S100A7: variants seen among roughly 807,000 people sequenced by gnomAD.
S100A7 encodes S100 calcium binding protein A7, also known as protein S100-A7.
In S100A7, 2 loss-of-function variants were observed where a neutral mutation model predicts 3.8. That is an observed-to-expected ratio of 0.53 (90% confidence interval 0.22 to 1.67). The LOEUF is 1.67. Ranked by LOEUF, S100A7 falls within the 40% of genes most tolerant of loss-of-function variation. The pLI, the probability that S100A7 is intolerant of heterozygous loss-of-function variation, is 0.20. For synonymous variants in S100A7, 55 were observed against 45.9 expected, an observed-to-expected ratio of 1.20 and a Z score of -0.80; for missense variants, 130 against 126.3, an observed-to-expected ratio of 1.03 and a Z score of -0.14.
At chr1:153,458,410 C>T (rs1005411660) in intron 2 of S100A7, among the ~76,000 whole-genome samples, 6 of 152,204 alleles carry the variant, frequency 3.9e-5, no homozygotes, top group African/African-American at 1.4e-4. Flanking sequence ...GTATCCTACT[C>T]TTGGTCATCT....
At chr1:153,460,503 C>T (rs1663802605) in intron 1 of S100A7, 105 bp downstream of exon 1, 12 of 654,662 alleles carry the variant, frequency 1.8e-5, no homozygotes, top group Middle Eastern at 3.0e-4. Context: ...GGCCTAGACC[C>T]AGGCTTCTGA....
intron 1 of S100A7, 118 bp from the exon 2 acceptor site, chr1:153,459,148 A>T (rs1663760693): frequency 3.9e-6 from 5 of 1,293,162 alleles, no homozygotes; most frequent in Non-Finnish European, 5.3e-6. Flanking sequence ...TAGCAGAACG[A>T]ACTCAATTTT....
rs1240651194 is a variant in S100A7 at position 153,458,933 on chromosome 1, A to C, written c.81T>G (p.Ile27Met). ...FHKYTRRDDK[I>M]EKPSLLTMMK... Reference sequence around the variant, plus strand: ...TCATCGTCAGCAGGCTTGGCTTCTCAATCTTGTCATCACGTCTGGTGTATT... The same window carrying C: ...TCATCGTCAGCAGGCTTGGCTTCTCCATCTTGTCATCACGTCTGGTGTATT... The change falls in exon 2 of 3, where the codon ATT (isoleucine) becomes ATG (methionine). Residue 27 changes from isoleucine to methionine, a missense_variant. Coordinates refer to ENST00000368723, the MANE Select transcript of S100A7 (RefSeq NM_002963.4). The C allele has an allele frequency of 2.5e-6, 4 of 1,614,016 alleles. No individual in the cohort carries two copies.
chr1:153,459,800 T>C (rs1442468337), intron 1 of S100A7: 2 of 152,176 alleles, frequency 1.3e-5, no homozygotes, highest in African/African-American at 2.4e-5. Context: ...CTTGACTGTT[T>C]AAATAAAAAT....
chr1:153,458,777 A>G, intron 2 of S100A7, 96 bp downstream of exon 2: 1 of 1,466,548 alleles, frequency 6.8e-7, no homozygotes, highest in Non-Finnish European at 9.2e-7. Context: ...CCTATTTGCA[A>G]ATGGGAAATT....
intron 1 of S100A7, among the ~76,000 whole-genome samples, chr1:153,460,389 G>A (rs906356802): frequency 6.6e-6 from 1 of 152,222 alleles, no homozygotes; most frequent in Non-Finnish European, 1.5e-5. Context: ...TGCCTCAGGA[G>A]ATCCCAAAGG....
chr1:153,458,268 G>A (rs1400469054), intron 2 of S100A7, among the ~76,000 whole-genome samples: 3 of 152,054 alleles, frequency 2.0e-5, no homozygotes, highest in Non-Finnish European at 2.9e-5. Context: ...ACTCTTTCCC[G>A]TCCCAGCCTC....
At position 153,460,606 on chromosome 1, in the gene S100A7, A is replaced by G. The variant is rs577593590; in HGVS notation, c.-18+2T>C. Reference sequence around the variant, plus strand: ...AAACGCAAAGAGGCAGGTGAGACTTACCAGAGCTGGGAAGCGTCACGAGTA... The same window carrying G: ...AAACGCAAAGAGGCAGGTGAGACTTGCCAGAGCTGGGAAGCGTCACGAGTA... On this transcript the variant is annotated splice_donor_variant, in intron 1 of 2. Transcript: ENST00000368723. LOFTEE classifies it low-confidence loss of function (5UTR_SPLICE). 9 of 1,151,390 alleles carry G rather than the reference A, an allele frequency of 7.8e-6. No individual in the cohort carries two copies. The South Asian group carries it at 9.2e-5, about 12-fold the overall frequency. 71.3% of individuals were successfully genotyped at this position (1,151,390 alleles called of 1,614,324 possible).
chr1:153,458,033 G>A (rs1663731168), intron 2 of S100A7, 63 bp from the exon 3 acceptor site: 1 of 1,567,464 alleles, frequency 6.4e-7, no homozygotes, highest in Admixed American at 1.7e-5. Context: ...GGGCTGGGAG[G>A]GAGAGGAGGA....
At chr1:153,459,206 A>G (rs1663763646) in intron 1 of S100A7, among the ~76,000 whole-genome samples, 176 bp from the exon 2 acceptor site, 1 of 152,194 alleles carries the variant, frequency 6.6e-6, no homozygotes, top group Admixed American at 6.5e-5. Context: ...GGGTAGGACC[A>G]AGTCTGAGAC....
At chr1:153,460,260 G>C (rs1298939014) in intron 1 of S100A7, among the ~76,000 whole-genome samples, 1 of 152,208 alleles carries the variant, frequency 6.6e-6, no homozygotes, top group East Asian at 1.9e-4. Flanking sequence ...ACCCTCTGTG[G>C]AGCTGGAGCT....
chr1:153,459,311 C>T (rs1487549979), intron 1 of S100A7, among the ~76,000 whole-genome samples: 1 of 152,156 alleles, frequency 6.6e-6, no homozygotes. Flanking sequence ...CAGGGAGAGT[C>T]GGGCGCCAGC....
rs535984904 is a variant in S100A7 at position 153,457,950 on chromosome 1, G to A, written c.162C>T (p.Tyr54=). 1 of 1,614,106 alleles carries A rather than the reference G, an allele frequency of 6.2e-7. No homozygotes were observed. The highest frequency in any genetic ancestry group is 1.1e-5 in the South Asian group (1 of 91,060). ...CCTTTTTCTCAAAGACATCGGCGAG[G>A]TAATTTGTGCCCTTTTTGTCCTGTG... is the stretch of plus-strand genomic sequence containing the variant. The part of the protein sequence containing the change: ...LSACDKKGTN[Y]LADVFEKKDK... Residue 54 remains tyrosine, a synonymous_variant, in exon 3 of 3, where the codon TAC becomes TAT. Coordinates refer to ENST00000368723, the MANE Select transcript of S100A7 (RefSeq NM_002963.4).
chr1:153,459,236 G>T (rs748687056), intron 1 of S100A7, among the ~76,000 whole-genome samples: 1 of 152,194 alleles, frequency 6.6e-6, no homozygotes, highest in Non-Finnish European at 1.5e-5. Flanking sequence ...CCTGGCCAGG[G>T]CCAAGAGGAG....
Position 153,459,585 on chromosome 1 carries a change from G to A in S100A7, c.-17-555C>T, listed in dbSNP as rs111971844. Among the ~76,000 whole-genome samples the A allele has an allele frequency of 9.1e-4, 139 of 152,310 alleles. 1 individual carries two copies. The highest frequency in any genetic ancestry group is 3.8e-3 in the Admixed American group (58 of 15,302). ...TCCAGGTGCACATGTGAGCGTGGAC[G>A]TGAGTGTTAGCAGGAAACACAGTCC... is the stretch of plus-strand genomic sequence containing the variant. On this transcript the variant is annotated intron_variant, in intron 1 of 2. Coordinates refer to ENST00000368723, the MANE Select transcript of S100A7 (RefSeq NM_002963.4).
chr1:153,459,427 G>A (rs577983297), intron 1 of S100A7, among the ~76,000 whole-genome samples: 4 of 152,332 alleles, frequency 2.6e-5, no homozygotes, highest in South Asian at 2.1e-4. Context: ...CACAGTCGGG[G>A]TGACAGTCAT....
chr1:153,459,063 T>C (rs1220707362), intron 1 of S100A7, 33 bp from the exon 2 acceptor site: 2 of 1,601,494 alleles, frequency 1.2e-6, no homozygotes, highest in Non-Finnish European at 1.7e-6. Flanking sequence ...TTTTTTTCCC[T>C]TCATTTAAGT....
chr1:153,459,164 A>T, intron 1 of S100A7, 134 bp from the exon 2 acceptor site: 1 of 1,066,496 alleles, frequency 9.4e-7, no homozygotes, highest in Non-Finnish European at 1.3e-6. Flanking sequence ...ATTTTTTTTT[A>T]ATGTGATGGG....
In S100A7 at chr1:153,457,860, T is replaced by A. The variant is rs564464761; in HGVS notation, c.252A>T (p.Thr84=). 1.7e-4 allele frequency: 267 copies of A among 1,614,196 alleles called. 3 individuals carry two copies. In the South Asian group the frequency reaches 2.8e-3, roughly 17 times the overall value. Residue 84 remains threonine, a synonymous_variant, in exon 3 of 3, where the codon ACA becomes ACT. Transcript: ENST00000368723. Reference sequence around the variant, plus strand: ...CTCCATGGCTCTGCTTGTGGTAGTCTGTGGCTATGTCTCCCAGCAAGGACA... The same window carrying A: ...CTCCATGGCTCTGCTTGTGGTAGTCAGTGGCTATGTCTCCCAGCAAGGACA... ...EFLSLLGDIA[T]DYHKQSHGAA...
Sources: allele counts gnomAD v4.1 joint callset (sites outside exome capture counted in the v4.1 genomes callset), GRCh38; gene constraint gnomAD v4.1.1; transcripts MANE v1.5; gene names NCBI Gene and HGNC (gene_info 2026-07-23, HGNC 2026-07-21).